Variants in CNTN4 observed in about 807,000 individuals in gnomAD.
CNTN4 encodes contactin-4.
CNTN4 carries 77 observed loss-of-function variants against 122.5 expected under a neutral mutation model. The observed-to-expected ratio is 0.63, with a 90% confidence interval of 0.52 to 0.76. The LOEUF (loss-of-function observed/expected upper bound fraction) is 0.76. Ranked by LOEUF, CNTN4 falls within the 30% of genes least tolerant of loss-of-function variation. The pLI is 0.00. For missense variants in CNTN4, 1,256 were observed against 1,259.1 expected, an observed-to-expected ratio of 1.00 and a Z score of 0.04; for synonymous variants, 512 against 447.0, an observed-to-expected ratio of 1.15 and a Z score of -1.83.
At chr3:2,874,870 C>T (rs2093825572) in intron 8 of CNTN4, among the ~76,000 whole-genome samples, 1 of 152,142 alleles carries the variant, frequency 6.6e-6, no homozygotes, top group African/African-American at 2.4e-5. Flanking sequence ...CCAACCTTGC[C>T]TGTGGCCTGT....
At chr3:2,737,830 A>G (rs983996916) in intron 5 of CNTN4, among the ~76,000 whole-genome samples, 7 of 152,234 alleles carry the variant, frequency 4.6e-5, no homozygotes, top group African/African-American at 1.4e-4. Context: ...GTAAATGTGA[A>G]CAAGAAATAA....
At chr3:2,660,258 T>A (rs2083816316) in intron 4 of CNTN4, among the ~76,000 whole-genome samples, 1 of 152,110 alleles carries the variant, frequency 6.6e-6, no homozygotes, top group African/African-American at 2.4e-5. Context: ...AAACATTTTT[T>A]AAAAAAAGAA....
At chr3:3,051,912 G>A (rs1045641171) in intron 23 of CNTN4, among the ~76,000 whole-genome samples, 2 of 152,230 alleles carry the variant, frequency 1.3e-5, no homozygotes, top group Non-Finnish European at 2.9e-5. Flanking sequence ...AGCTAATCTC[G>A]TGCTTCTCAA....
At chr3:2,368,034 T>C (rs1449651210) in intron 3 of CNTN4, among the ~76,000 whole-genome samples, 26 of 143,194 alleles carry the variant, frequency 1.8e-4, no homozygotes, top group African/African-American at 6.4e-4. Context: ...AACTTCTTTT[T>C]TTTTTTTTTT....
intron 3 of CNTN4, among the ~76,000 whole-genome samples, chr3:2,509,580 A>G (rs1371039106): frequency 6.6e-6 from 1 of 152,188 alleles, no homozygotes; most frequent in Non-Finnish European, 1.5e-5. Flanking sequence ...TGAGTTGATA[A>G]TGGGCACAGA....
At chr3:2,740,412 G>T (rs78136149) in intron 5 of CNTN4, among the ~76,000 whole-genome samples, 2,366 of 151,994 alleles carry the variant, frequency 0.016, 76 homozygotes, top group African/African-American at 0.054. Flanking sequence ...ATTTTTGGGT[G>T]GCATGCTCTG....
At chr3:2,784,785 AAG>A (rs1437108363) in intron 6 of CNTN4, among the ~76,000 whole-genome samples, 1 of 152,278 alleles carries the variant, frequency 6.6e-6, no homozygotes, top group Non-Finnish European at 1.5e-5. Context: ...CCTCTGATAA[AAG>A]AGATAATATG....
intron 6 of CNTN4, among the ~76,000 whole-genome samples, chr3:2,791,968 A>G (rs1388583383): frequency 1.3e-5 from 2 of 152,126 alleles, no homozygotes; most frequent in East Asian, 1.9e-4. Flanking sequence ...TGATCTCCTT[A>G]TCTCAAGATC....
chr3:2,977,885 GA>G (rs1220799326), intron 13 of CNTN4, among the ~76,000 whole-genome samples: 1 of 152,180 alleles, frequency 6.6e-6, no homozygotes, highest in Non-Finnish European at 1.5e-5. Flanking sequence ...TATGTAAGGA[GA>G]GGGAAATTTG....
intron 2 of CNTN4, among the ~76,000 whole-genome samples, chr3:2,283,498 A>G (rs539118295): frequency 6.6e-6 from 1 of 152,278 alleles, no homozygotes; most frequent in Admixed American, 6.5e-5. Context: ...AGGCTCACAA[A>G]GCAGTACATG....
At chr3:2,104,222 A>G (rs914855469) in intron 2 of CNTN4, among the ~76,000 whole-genome samples, 20 of 138,492 alleles carry the variant, frequency 1.4e-4, no homozygotes, top group African/African-American at 4.8e-4. Context: ...TGTGCCATTT[A>G]TGTCTACGTG....
chr3:2,727,875 G>T (rs1218025181), intron 4 of CNTN4, among the ~76,000 whole-genome samples: 2 of 152,194 alleles, frequency 1.3e-5, no homozygotes, highest in Non-Finnish European at 2.9e-5. Context: ...CATTTGAGGG[G>T]TTAAAAGAAG....
At chr3:2,626,349 T>G (rs1462368315) in intron 4 of CNTN4, among the ~76,000 whole-genome samples, 2 of 151,762 alleles carry the variant, frequency 1.3e-5, no homozygotes, top group Non-Finnish European at 2.9e-5. Flanking sequence ...AAAAAAAAAT[T>G]AGCCAGGCGT....
rs1371618773 is a variant in CNTN4 at position 3,056,309 on chromosome 3, G to C, written c.*89G>C. On this transcript the variant is annotated 3_prime_UTR_variant, in exon 25 of 25. Coordinates refer to ENST00000418658, the MANE Select transcript of CNTN4 (RefSeq NM_175607.3). ...ACACCCAGTACTAAGTAATATTGTTGTTCAAGTACATCTTATTACTGGAAT... is the reference window on the plus strand; with the variant it reads ...ACACCCAGTACTAAGTAATATTGTTCTTCAAGTACATCTTATTACTGGAAT... 10 of 952,978 alleles carry C rather than the reference G, an allele frequency of 1.0e-5. No individual in the cohort carries two copies. Among genetic ancestry groups the C allele is most frequent in the African/African-American group, 1.6e-5 (1 of 62,030 alleles). The allele number at this position is 952,978 out of a possible 1,614,324, so 59.0% of individuals were successfully genotyped here.
At chr3:2,787,856 C>A (rs897410812) in intron 6 of CNTN4, among the ~76,000 whole-genome samples, 1 of 149,034 alleles carries the variant, frequency 6.7e-6, no homozygotes, top group African/African-American at 2.5e-5. Context: ...GTGGTGCGAT[C>A]TTGGCTCACT....
intron 4 of CNTN4, among the ~76,000 whole-genome samples, chr3:2,579,841 A>G (rs961396570): frequency 4.6e-5 from 7 of 152,230 alleles, no homozygotes; most frequent in African/African-American, 1.7e-4. Flanking sequence ...TGTTATGGCA[A>G]TGATAATGAT....
Position 2,500,936 on chromosome 3 carries a change from C to T in CNTN4, c.-88-70480C>T, listed in dbSNP as rs904187507. On this transcript the variant is annotated intron_variant, in intron 3 of 24. Coordinates refer to ENST00000418658, the MANE Select transcript of CNTN4 (RefSeq NM_175607.3). ...CCCACTTTTTCAAGTCCTCTTTTTT[C>T]CCCCCCGCACAATGTATAGATTGTT... Among the ~76,000 whole-genome samples the T allele has an allele frequency of 2.6e-5, 4 of 151,802 alleles. 1 individual carries two copies. Among genetic ancestry groups the T allele is most frequent in the Admixed American group, 2.6e-4 (4 of 15,226 alleles).
chr3:2,223,318 G>T (rs2039136576), intron 2 of CNTN4, among the ~76,000 whole-genome samples: 1 of 152,068 alleles, frequency 6.6e-6, no homozygotes, highest in Admixed American at 6.5e-5. Flanking sequence ...TTCTATCCCT[G>T]CTTTTCCCAT....
chr3:2,761,664 A>G (rs1025284018), intron 6 of CNTN4, among the ~76,000 whole-genome samples: 2 of 152,018 alleles, frequency 1.3e-5, no homozygotes, highest in African/African-American at 4.8e-5. Flanking sequence ...ATGTTTTTAT[A>G]TTTTACTTGG....
Sources: gnomAD v4.1 joint callset for allele counts (sites outside exome capture counted in the v4.1 genomes callset) on GRCh38, gnomAD v4.1.1 for gene constraint, MANE v1.5 for transcripts, NCBI Gene and HGNC (gene_info 2026-07-23, HGNC 2026-07-21) for gene names.